ASTN2: variants seen among roughly 807,000 people sequenced by gnomAD.
ASTN2 encodes astrotactin-2.
In ASTN2, 54 loss-of-function variants were observed where a neutral mutation model predicts 139.8. The ratio of observed to expected loss-of-function variants is 0.39; its 90% CI spans 0.31 to 0.48. ASTN2 has a LOEUF of 0.48. Ranked by LOEUF, ASTN2 falls within the 20% of genes least tolerant of loss-of-function variation. The probability of loss-of-function intolerance (pLI) is 0.95; values close to 1 mark genes in which losing one functional copy is unlikely to be tolerated. For synonymous variants in ASTN2, 756 were observed against 719.5 expected (o/e 1.05, Z -0.81); for missense variants, 1,565 against 1,725.1 (o/e 0.91, Z 1.64).
intron 19 of ASTN2, among the ~76,000 whole-genome samples, chr9:116,532,729 T>C (rs1851412036): frequency 6.6e-6 from 1 of 152,194 alleles, no homozygotes; most frequent in African/African-American, 2.4e-5. Context: ...ATATCTCTGT[T>C]TTGGTACCAG....
Position 116,820,701 on chromosome 9 carries a change from T to C in ASTN2, c.2123A>G (p.Asn708Ser). 6.2e-7 allele frequency: 1 copy of C among 1,614,236 alleles called. No individual in the cohort carries two copies. The highest frequency in any genetic ancestry group is 8.5e-7 in the Non-Finnish European group (1 of 1,180,042). Residue 708 changes from asparagine (N) to serine (S), a missense_variant, in exon 12 of 23, where the codon AAT becomes AGT. Asn to Ser is a conservative substitution (Grantham distance 46). Coordinates refer to ENST00000313400, the MANE Select transcript of ASTN2 (RefSeq NM_001365068.1). ...CAGGCACAGCTGCTCACAGCCGCCA[T>C]TAAAGCCATCAGAGCAGTCAATGCC... ...SKGIDCSDGF[N>S]GGCEQLCLQQ...
chr9:116,998,426 G>A (rs1338064974), intron 7 of ASTN2, among the ~76,000 whole-genome samples: 1 of 152,160 alleles, frequency 6.6e-6, no homozygotes, highest in Non-Finnish European at 1.5e-5. Context: ...TCTTTATTTA[G>A]CAAACACACA....
chr9:116,433,988 A>C (rs7024559), intron 22 of ASTN2, among the ~76,000 whole-genome samples: 141,008 of 152,224 alleles, frequency 0.93, 65,335 homozygotes, highest in East Asian at 0.97. Flanking sequence ...AACTTCAAGA[A>C]AATAACTAAC....
At chr9:116,743,140 G>C (rs983488559) in intron 13 of ASTN2, among the ~76,000 whole-genome samples, 2 of 152,214 alleles carry the variant, frequency 1.3e-5, no homozygotes, top group Admixed American at 6.5e-5. Flanking sequence ...TGTTTGGTAA[G>C]GGGGAGAGGC....
intron 3 of ASTN2, among the ~76,000 whole-genome samples, chr9:117,186,504 G>A (rs1190161613): frequency 5.9e-5 from 9 of 151,948 alleles, no homozygotes; most frequent in East Asian, 3.9e-4. Context: ...CCGAAATCAC[G>A]CCACTGCACT....
chr9:116,830,446 C>G (rs1303362388), intron 11 of ASTN2, among the ~76,000 whole-genome samples: 1 of 151,792 alleles, frequency 6.6e-6, no homozygotes, highest in Non-Finnish European at 1.5e-5. Flanking sequence ...ACAGAACTAC[C>G]ATTCAATCCA....
chr9:117,115,101 C>T (rs569724218), intron 4 of ASTN2, among the ~76,000 whole-genome samples: 10 of 152,298 alleles, frequency 6.6e-5, no homozygotes, highest in African/African-American at 2.4e-4. Context: ...AAGGTTGTTG[C>T]TTTTAACCAC....
intron 2 of ASTN2, among the ~76,000 whole-genome samples, chr9:117,220,599 C>G (rs1434776062): frequency 6.6e-6 from 1 of 152,068 alleles, no homozygotes; most frequent in African/African-American, 2.4e-5. Flanking sequence ...GACAGAGATC[C>G]AAGTGATGCA....
intron 13 of ASTN2, among the ~76,000 whole-genome samples, chr9:116,789,762 A>T (rs1439040815): frequency 6.6e-6 from 1 of 152,150 alleles, no homozygotes; most frequent in Non-Finnish European, 1.5e-5. Flanking sequence ...AATGCTGGCA[A>T]ATTTGCATCT....
intron 17 of ASTN2, among the ~76,000 whole-genome samples, chr9:116,650,836 C>T (rs13302089): frequency 0.16 from 23,826 of 151,920 alleles, 2,388 homozygotes; most frequent in Non-Finnish European, 0.23. Context: ...ATGTGCAACC[C>T]TCCCTGTTCT....
intron 19 of ASTN2, among the ~76,000 whole-genome samples, chr9:116,617,049 T>C (rs1017492077): frequency 6.6e-6 from 1 of 152,196 alleles, no homozygotes; most frequent in Non-Finnish European, 1.5e-5. Flanking sequence ...GAAAGTGATG[T>C]CCACTCCAGT....
chr9:116,609,322 C>CTATATATA (rs199622984), intron 19 of ASTN2, among the ~76,000 whole-genome samples: 33 of 105,626 alleles, frequency 3.1e-4, no homozygotes, highest in African/African-American at 1.0e-3. Flanking sequence ...CTCTCTCTCT[C>CTATATATA]TCTCTCTATA....
Position 116,538,714 on chromosome 9 carries a change from G to A in ASTN2, c.3356-51214C>T, listed in dbSNP as rs182861367. Reference sequence around the variant, plus strand: ...TTTGCCTTTGAATATGTCTGAAATTGAGATGCATCCTACAAGTGATGATGC... The same window carrying A: ...TTTGCCTTTGAATATGTCTGAAATTAAGATGCATCCTACAAGTGATGATGC... On this transcript the variant is annotated intron_variant, in intron 19 of 22. Coordinates refer to ENST00000313400, the MANE Select transcript of ASTN2 (RefSeq NM_001365068.1). Among the ~76,000 whole-genome samples, 4 of 152,192 alleles carry A rather than the reference G, an allele frequency of 2.6e-5. No individual in the cohort carries two copies. The East Asian group carries it at 7.7e-4, about 29-fold the overall frequency.
chr9:116,821,813 CTA>C (rs1831491758), intron 11 of ASTN2, among the ~76,000 whole-genome samples: 1 of 152,064 alleles, frequency 6.6e-6, no homozygotes, highest in Non-Finnish European at 1.5e-5. Flanking sequence ...CTGGCACCTG[CTA>C]TGTGCTCCTT....
intron 11 of ASTN2, among the ~76,000 whole-genome samples, chr9:116,826,015 C>T (rs1239053365): frequency 6.6e-6 from 1 of 152,208 alleles, no homozygotes; most frequent in African/African-American, 2.4e-5. Flanking sequence ...GAGACTGAGA[C>T]ATGGATAGAC....
At position 117,039,934 on chromosome 9, in the gene ASTN2, G is replaced by A. The variant is rs200496551; in HGVS notation, c.1308C>T (p.Ala436=). 4.3e-6 allele frequency: 7 copies of A among 1,613,474 alleles called. No homozygotes were observed. In the East Asian group the frequency reaches 6.7e-5, roughly 15 times the overall value. Residue 436 remains alanine (A), a synonymous_variant, in exon 6 of 23, where the codon GCC becomes GCT. Coordinates refer to ENST00000313400, the MANE Select transcript of ASTN2 (RefSeq NM_001365068.1). ...AGGAACTCACAGCAATCAGTGTCAG[G>A]GCTGTCTTGTTCACTGGGCTTTTCA... ...GLLKSPVNKT[A]LTLIAVSSCI... is the part of the protein sequence containing the mutation.
chr9:116,565,422 TA>T (rs1351340510), intron 19 of ASTN2, among the ~76,000 whole-genome samples: 1,552 of 129,002 alleles, frequency 0.012, 12 homozygotes, highest in East Asian at 0.023. Context: ...TATATATATA[TA>T]TATATATTTA....
At chr9:117,117,473 T>C (rs1211421951) in intron 4 of ASTN2, among the ~76,000 whole-genome samples, 1 of 151,736 alleles carries the variant, frequency 6.6e-6, no homozygotes, top group Non-Finnish European at 1.5e-5. Context: ...TGAGGGACTT[T>C]GTTGAGAGTG....
At chr9:116,988,272 C>A (rs1046651860) in intron 7 of ASTN2, among the ~76,000 whole-genome samples, 2 of 152,212 alleles carry the variant, frequency 1.3e-5, no homozygotes, top group Non-Finnish European at 1.5e-5. Flanking sequence ...CCTGTCTCCA[C>A]CCAAGACTCA....
Sources: gnomAD v4.1 joint callset for allele counts (sites outside exome capture counted in the v4.1 genomes callset) on GRCh38, gnomAD v4.1.1 for gene constraint, MANE v1.5 for transcripts, NCBI Gene and HGNC (gene_info 2026-07-23, HGNC 2026-07-21) for gene names.